Variants in TENM4 observed in about 807,000 individuals in gnomAD.
TENM4 encodes the protein teneurin transmembrane protein 4.
A neutral mutation model predicts 243.3 loss-of-function variants in TENM4; 82 were observed. The observed-to-expected ratio is 0.34, with a 90% CI of 0.28 to 0.40. TENM4 has a LOEUF of 0.40. Among genes scored for constraint, TENM4 ranks in the 10% least tolerant of loss-of-function variants. The pLI, the probability that TENM4 is intolerant of heterozygous loss-of-function variation, is 1.00. For missense variants in TENM4, 3,138 were observed against 3,673.3 expected, an observed-to-expected ratio of 0.85 and a Z score of 3.77; for synonymous variants, 1,412 against 1,456.3, an observed-to-expected ratio of 0.97 and a Z score of 0.69.
chr11:79,277,206 T>C (rs1366995626), intron 2 of TENM4, among the ~76,000 whole-genome samples: 3 of 152,178 alleles, frequency 2.0e-5, no homozygotes, highest in African/African-American at 7.2e-5. Context: ...AGATTTATGA[T>C]TCTGCAAACA....
intron 1 of TENM4, among the ~76,000 whole-genome samples, chr11:79,357,646 C>T (rs1857520036): frequency 6.6e-6 from 1 of 152,194 alleles, no homozygotes; most frequent in Non-Finnish European, 1.5e-5. Flanking sequence ...TTTAAACAGG[C>T]AAGTCATATT....
chr11:78,905,712 T>C (rs1565119827), intron 6 of TENM4, among the ~76,000 whole-genome samples: 1 of 152,202 alleles, frequency 6.6e-6, no homozygotes, highest in Non-Finnish European at 1.5e-5. Context: ...GATATGCAGT[T>C]CTGTAGTGCT....
Position 79,148,789 on chromosome 11 carries a change from A to T in TENM4, c.-145T>A, listed in dbSNP as rs1486485700. The stretch of plus-strand genomic sequence containing the variant: ...AAGTATGCAATTTTAATTTGGACAC[A>T]TGGTAATTTCAGTCTACCTGTTGAA... On this transcript the variant is annotated 5_prime_UTR_variant, in exon 4 of 34. An upstream start codon of the reference 5' UTR is lost. Transcript: ENST00000278550. 4.1e-6 allele frequency: 4 copies of T among 981,540 alleles called. No individual in the cohort carries two copies. Among genetic ancestry groups the T allele is most frequent in the Admixed American group, 6.2e-5 (1 of 16,236 alleles). The allele number at this position is 981,540 out of a possible 1,614,324, so 60.8% of individuals were successfully genotyped here. A position where few individuals can be genotyped will look rare whatever the true frequency, so the allele number is the denominator to read the frequency against.
At chr11:78,839,079 T>C (rs1456871307) in intron 12 of TENM4, among the ~76,000 whole-genome samples, 1 of 152,216 alleles carries the variant, frequency 6.6e-6, no homozygotes, top group Non-Finnish European at 1.5e-5. Flanking sequence ...ATTAAGGATT[T>C]ATGATATATT....
At chr11:79,128,648 A>G (rs901697453) in intron 4 of TENM4, among the ~76,000 whole-genome samples, 2 of 152,216 alleles carry the variant, frequency 1.3e-5, no homozygotes, top group African/African-American at 4.8e-5. Flanking sequence ...GGAAGTGGAC[A>G]GCTGCAGCAC....
intron 1 of TENM4, among the ~76,000 whole-genome samples, chr11:79,369,525 T>C (rs574156741): frequency 6.6e-6 from 1 of 152,290 alleles, no homozygotes; most frequent in East Asian, 1.9e-4. Context: ...AGTGAAACAC[T>C]CAAACAATTG....
chr11:78,924,305 G>A (rs1565128218), intron 6 of TENM4, among the ~76,000 whole-genome samples: 1 of 152,178 alleles, frequency 6.6e-6, no homozygotes, highest in Non-Finnish European at 1.5e-5. Context: ...TGAGAATCTG[G>A]GTCCTTGATG....
intron 1 of TENM4, among the ~76,000 whole-genome samples, chr11:79,333,334 C>A (rs1448776913): frequency 6.6e-6 from 1 of 152,222 alleles, no homozygotes; most frequent in Non-Finnish European, 1.5e-5. Context: ...ATAGATCCAA[C>A]TTCCCCTCTA....
chr11:79,148,090 C>T (rs1419295662), intron 4 of TENM4, among the ~76,000 whole-genome samples: 1 of 152,106 alleles, frequency 6.6e-6, no homozygotes, highest in Non-Finnish European at 1.5e-5. Context: ...TGGGTTTACC[C>T]TGCTTTGATT....
chr11:79,340,531 G>A (rs1219072109), intron 1 of TENM4, among the ~76,000 whole-genome samples: 6 of 152,174 alleles, frequency 3.9e-5, no homozygotes, highest in Non-Finnish European at 8.8e-5. Flanking sequence ...ATACCACAGA[G>A]AGGACTCTGG....
rs532312364 is a variant in TENM4 at position 78,834,842 on chromosome 11, G to A, written c.1681+19262C>T. ...AGGGTTTCATTGCTGCTGCTTCCAC[G>A]TCACATAGACTCTGAATCCACCCGT... On this transcript the variant is annotated intron_variant, in intron 12 of 33. Coordinates refer to ENST00000278550, the MANE Select transcript of TENM4 (RefSeq NM_001098816.3). Among the ~76,000 whole-genome samples, 7 of 152,180 alleles carry A rather than the reference G, an allele frequency of 4.6e-5. No homozygotes were observed. The East Asian group carries it at 7.7e-4, about 17-fold the overall frequency.
intron 6 of TENM4, chr11:79,021,779 A>C (rs929573495): frequency 1.3e-5 from 2 of 152,196 alleles, no homozygotes; most frequent in African/African-American, 4.8e-5. Flanking sequence ...ATTCAAAGGG[A>C]AAGTGAGACA....
intron 6 of TENM4, among the ~76,000 whole-genome samples, chr11:78,907,460 C>A (rs1434033120): frequency 6.6e-6 from 1 of 152,066 alleles, no homozygotes; most frequent in African/African-American, 2.4e-5. Context: ...ATAAACATGG[C>A]CTAAGAGAGA....
intron 19 of TENM4, among the ~76,000 whole-genome samples, chr11:78,750,312 T>A (rs1013209286): frequency 2.0e-5 from 3 of 152,236 alleles, no homozygotes; most frequent in African/African-American, 7.2e-5. Context: ...CTTCTCTTTT[T>A]GAAAAGAATA....
At chr11:79,080,396 G>T (rs979047853) in intron 4 of TENM4, among the ~76,000 whole-genome samples, 1 of 152,248 alleles carries the variant, frequency 6.6e-6, no homozygotes, top group Non-Finnish European at 1.5e-5. Flanking sequence ...ACCCGGGGTA[G>T]GGGGGCACTG....
At chr11:79,093,545 G>C (rs1378458240) in intron 4 of TENM4, 1 of 152,324 alleles carries the variant, frequency 6.6e-6, no homozygotes, top group Non-Finnish European at 1.5e-5. Context: ...CACTGTGATG[G>C]CAAAGTGGGA....
In TENM4 at chr11:78,701,588, G is replaced by A. The variant is rs1337505370; in HGVS notation, c.5025C>T (p.Tyr1675=). 2 of 1,607,316 alleles carry A rather than the reference G, an allele frequency of 1.2e-6. No homozygotes were observed. The highest frequency in any genetic ancestry group is 1.3e-5 in the African/African-American group (1 of 74,810). The stretch of plus-strand genomic sequence containing the variant: ...TTGCCAGAAGGCCGGAATTGCCATG[G>A]TATGTCATCATGGCCAACTCGTGTC... ...TQGHELAMMT[Y]HGNSGLLATK... The change falls in exon 28 of 34, where the codon TAC becomes TAT. Residue 1675 remains tyrosine, a synonymous_variant. Coordinates refer to ENST00000278550, the MANE Select transcript of TENM4 (RefSeq NM_001098816.3).
At chr11:79,219,127 G>A (rs1197805959) in intron 2 of TENM4, among the ~76,000 whole-genome samples, 1 of 152,208 alleles carries the variant, frequency 6.6e-6, no homozygotes, top group Non-Finnish European at 1.5e-5. Context: ...CTGCCTTGCA[G>A]CAGACTTTGT....
chr11:79,161,243 T>C (rs182450263), intron 3 of TENM4, among the ~76,000 whole-genome samples: 1 of 152,332 alleles, frequency 6.6e-6, no homozygotes, highest in African/African-American at 2.4e-5. Context: ...GGAGGAAACC[T>C]CTTTGCCCAC....
Sources: gnomAD v4.1 joint callset for allele counts (sites outside exome capture counted in the v4.1 genomes callset) on GRCh38, gnomAD v4.1.1 for gene constraint, MANE v1.5 for transcripts, NCBI Gene and HGNC (gene_info 2026-07-23, HGNC 2026-07-21) for gene names.